Variants in PRKAR1A observed in about 807,000 individuals in gnomAD.
PRKAR1A encodes cAMP-dependent protein kinase type I-alpha regulatory subunit.
Under a neutral mutation model 52.0 loss-of-function variants are expected in PRKAR1A, and 3 were observed. That is an observed-to-expected ratio of 0.06 (90% CI 0.03 to 0.15). The LOEUF (loss-of-function observed/expected upper bound fraction) is 0.15, where lower values mean the gene tolerates loss of function less well. Among genes scored for constraint, PRKAR1A ranks in the 10% least tolerant of loss-of-function variants. PRKAR1A has a pLI of 1.00. For missense variants in PRKAR1A, 240 were observed against 477.4 expected (o/e 0.50, Z 4.63); for synonymous variants, 188 against 168.4 (o/e 1.12, Z -0.90).
At chr17:68,536,430 A>T (rs1383680133), downstream of PRKAR1A, 1 of 454,168 alleles carries the variant, frequency 2.2e-6, no homozygotes, top group Admixed American at 2.3e-5. Flanking sequence ...GATATCAACA[A>T]GTCAGGGAGA....
the PRKAR1A span, among the ~76,000 whole-genome samples, chr17:68,483,405 C>T: frequency 2.2e-4 from 33 of 152,052 alleles, no homozygotes; most frequent in African/African-American, 7.0e-4. Flanking sequence ...CACTTGAACT[C>T]GGGAGACAGA....
chr17:68,427,718 C>G, the PRKAR1A span: 64 of 160,322 alleles, frequency 4.0e-4, no homozygotes, highest in East Asian at 0.011. Context: ...GCCTCTTTCT[C>G]TTACATTGGC....
chr17:68,538,915 G>T (rs1369614850), intron 11 of PRKAR1A, among the ~76,000 whole-genome samples: 3 of 152,188 alleles, frequency 2.0e-5, no homozygotes, highest in African/African-American at 7.2e-5. Context: ...TATGTTCTGA[G>T]AAATGTATCC....
In PRKAR1A at chr17:68,533,184, C is replaced by T; in HGVS notation, c.*2735C>T. The T allele has an allele frequency of 1.9e-6, 2 of 1,049,228 alleles. No individual in the cohort carries two copies. Among genetic ancestry groups the T allele is most frequent in the Non-Finnish European group, 2.3e-6 (2 of 865,038 alleles). 65.0% of individuals were successfully genotyped at this position (1,049,228 alleles called of 1,614,324 possible). On this transcript the variant is annotated 3_prime_UTR_variant, in exon 11 of 11. Transcript: ENST00000589228. ...ACTTTTATATTTTGCATATATAAAGCCTCATATATAAAGCCTTATTTCTGA... is the reference window on the plus strand; with the variant it reads ...ACTTTTATATTTTGCATATATAAAGTCTCATATATAAAGCCTTATTTCTGA...
At chr17:68,490,831 A>T in the PRKAR1A span, among the ~76,000 whole-genome samples, 3 of 152,164 alleles carry the variant, frequency 2.0e-5, no homozygotes, top group African/African-American at 7.2e-5. Flanking sequence ...CCATCTCGTC[A>T]CATTACCCGC....
In PRKAR1A at chr17:68,531,351, A is replaced by C; in HGVS notation, c.*902A>C. The C allele has an allele frequency of 2.8e-6, 3 of 1,065,944 alleles. No individual in the cohort carries two copies. Among genetic ancestry groups the C allele is most frequent in the South Asian group, 4.5e-5 (1 of 21,984 alleles). The allele number at this position is 1,065,944 out of a possible 1,614,324, so 66.0% of individuals were successfully genotyped here. A position where few individuals can be genotyped will look rare whatever the true frequency, so the allele number is the denominator to read the frequency against. On this transcript the variant is annotated 3_prime_UTR_variant, in exon 11 of 11. Coordinates refer to ENST00000589228, the MANE Select transcript of PRKAR1A (RefSeq NM_002734.5). ...TAAAGTATGTCCTTCAGCTGACTCC[A>C]GTATAATCTCCTCTGCTCATTAAAC...
At chr17:68,432,576 T>C in the PRKAR1A span, among the ~76,000 whole-genome samples, 1 of 151,812 alleles carries the variant, frequency 6.6e-6, no homozygotes, top group Non-Finnish European at 1.5e-5. Context: ...GCCTCTGTCA[T>C]GTATGTGTTA....
chr17:68,551,172 C>G, exon 12 of PRKAR1A: 1 of 1,210,632 alleles, frequency 8.3e-7, no homozygotes, highest in Non-Finnish European at 1.0e-6. Flanking sequence ...GGCTGCAGAT[C>G]CTTTGGGGGC....
chr17:68,537,838 CT>C, downstream of PRKAR1A: 2 of 1,348,136 alleles, frequency 1.5e-6, no homozygotes, highest in Non-Finnish European at 2.1e-6. This position sits in a 1 kb window ranked among gnomAD's most constrained non-coding sequence, Gnocchi z 4.2. Context: ...AGCTGATACT[CT>C]TGGCGCCTCT....
chr17:68,522,088 A>G (rs1903175412), intron 2 of PRKAR1A, among the ~76,000 whole-genome samples: 4 of 152,272 alleles, frequency 2.6e-5, no homozygotes, highest in African/African-American at 9.6e-5. Flanking sequence ...TGGGAGAAGT[A>G]TTATAGATAC....
the PRKAR1A span, among the ~76,000 whole-genome samples, chr17:68,437,946 CT>C: frequency 0.057 from 4,332 of 75,646 alleles, 478 homozygotes; most frequent in Middle Eastern, 0.11. Flanking sequence ...AGACATCTCT[CT>C]TAAAAAAAAA....
Position 68,532,622 on chromosome 17 carries a change from G to C in PRKAR1A, c.*2173G>C. ...TGAATTTATGAGATTTACTGCTCTA[G>C]AAAGTATAGATGGCCAAAGGACCGT... On this transcript the variant is annotated 3_prime_UTR_variant, in exon 11 of 11. Coordinates refer to ENST00000589228, the MANE Select transcript of PRKAR1A (RefSeq NM_002734.5). The C allele has an allele frequency of 3.8e-6, 4 of 1,066,224 alleles. No individual in the cohort carries two copies. Among genetic ancestry groups the C allele is most frequent in the Non-Finnish European group, 4.5e-6 (4 of 879,604 alleles). The allele number at this position is 1,066,224 out of a possible 1,614,324, so 66.0% of individuals were successfully genotyped here. A position where few individuals can be genotyped will look rare whatever the true frequency, so the allele number is the denominator to read the frequency against.
Position 68,540,910 on chromosome 17 carries a change from C to T in PRKAR1A, c.974-10174C>T, listed in dbSNP as rs369649702. On this transcript the variant is annotated intron_variant, in intron 11 of 11. Transcript: ENST00000585981. ...TGAGGAGCCGCTGGCTGTTGTTGTA[C>T]GGGTAGATCTGTTTCACTGTGTCAC... is the stretch of plus-strand genomic sequence containing the variant. 7.1e-5 allele frequency: 114 copies of T among 1,604,014 alleles called. No homozygotes were observed. Among genetic ancestry groups the T allele is most frequent in the South Asian group, 3.9e-4 (35 of 89,322 alleles).
chr17:68,521,980 G>C (rs2143260106), intron 2 of PRKAR1A, among the ~76,000 whole-genome samples: 1 of 152,332 alleles, frequency 6.6e-6, no homozygotes, highest in Non-Finnish European at 1.5e-5. Context: ...GGTTTTATTT[G>C]AATTGGTCCA....
chr17:68,526,629 A>G (rs1436533152), intron 7 of PRKAR1A, among the ~76,000 whole-genome samples: 2 of 152,204 alleles, frequency 1.3e-5, no homozygotes, highest in Non-Finnish European at 2.9e-5. Flanking sequence ...CAACATAGAT[A>G]GAGCTGGAGG....
chr17:68,417,750 T>TTTTA, the PRKAR1A span, among the ~76,000 whole-genome samples: 4 of 128,806 alleles, frequency 3.1e-5, no homozygotes, highest in Non-Finnish European at 4.9e-5. Flanking sequence ...TTTTTTTTTT[T>TTTTA]TTTTTTTTTT....
the PRKAR1A span, among the ~76,000 whole-genome samples, chr17:68,458,909 C>G: frequency 6.6e-6 from 1 of 152,092 alleles, no homozygotes; most frequent in Non-Finnish European, 1.5e-5. Context: ...TTTTAATACC[C>G]AGTTTATGAC....
At chr17:68,493,162 C>T in the PRKAR1A span, among the ~76,000 whole-genome samples, 1 of 151,966 alleles carries the variant, frequency 6.6e-6, no homozygotes, top group Non-Finnish European at 1.5e-5. Context: ...GGGAGAGCAT[C>T]AGGAAGAATA....
chr17:68,458,516 A>C, the PRKAR1A span, among the ~76,000 whole-genome samples: 3 of 152,222 alleles, frequency 2.0e-5, no homozygotes, highest in Admixed American at 2.0e-4. Context: ...CAAAAATGGC[A>C]CAAAGTATCT....
Sources: gnomAD v4.1 joint callset for allele counts (sites outside exome capture counted in the v4.1 genomes callset) on GRCh38, gnomAD v4.1.1 for gene constraint, Gnocchi (gnomAD v3.1) non-coding constraint, MANE v1.5 for transcripts, NCBI Gene and HGNC (gene_info 2026-07-23, HGNC 2026-07-21) for gene names.